Variants in CAPZA1 observed in about 807,000 individuals in gnomAD.
CAPZA1 encodes the protein capping actin protein of muscle Z-line subunit alpha 1, also known as F-actin-capping protein subunit alpha-1.
In CAPZA1, 10 loss-of-function variants were observed where a neutral mutation model predicts 40.8. The observed-to-expected ratio is 0.25, with a 90% confidence interval of 0.15 to 0.42. The LOEUF is 0.42. CAPZA1 is among the 10% of genes least tolerant of loss of function. CAPZA1 has a pLI of 1.00. For synonymous variants in CAPZA1, 98 were observed against 115.0 expected (o/e 0.85, Z 0.95); for missense variants, 277 against 353.8 (o/e 0.78, Z 1.74).
At chr1:112,649,594 T>C in intron 3 of CAPZA1, 125 bp downstream of exon 3, 1 of 766,564 alleles carries the variant, frequency 1.3e-6, no homozygotes, top group Non-Finnish European at 2.2e-6. Context: ...GTTTTAGCAA[T>C]TTTCGTTGTT....
rs1557732753 is a variant in CAPZA1, at chr1:112,647,210, G to A, written c.40G>A (p.Val14Ile). 2 of 1,495,822 alleles carry A rather than the reference G, an allele frequency of 1.3e-6. No individual in the cohort carries two copies. Among genetic ancestry groups the A allele is most frequent in the Non-Finnish European group, 1.8e-6 (2 of 1,107,908 alleles). The allele number at this position is 1,495,822 out of a possible 1,614,324, so 92.7% of individuals were successfully genotyped here. A position where few individuals can be genotyped will look rare whatever the true frequency, so the allele number is the denominator to read the frequency against. ...FDDRVSDEEKVRIAAKFITHA... is the reference protein window; with the variant it reads ...FDDRVSDEEKIRIAAKFITHA... ...AAGTGTAAATTTTGTTTCTCTTTAG[G>A]TACGCATAGCTGCTAAATTCATCAC... is the stretch of plus-strand genomic sequence containing the variant. The change falls in exon 2 of 10, where the codon GTA becomes ATA. Residue 14 changes from valine (V) to isoleucine (I), a missense_variant and splice_region_variant. This residue lies in a region of CAPZA1 where 85 missense variants were observed against 76.5 expected (regional missense o/e 1.11). Transcript: ENST00000263168.
At chr1:112,646,701 A>G (rs1671287114) in intron 1 of CAPZA1, 1 of 151,092 alleles carries the variant, frequency 6.6e-6, no homozygotes. Flanking sequence ...AAAAATTAAT[A>G]GTTTTGGTTT....
At chr1:112,658,966 G>T (rs770121674) in intron 5 of CAPZA1, 56 bp from the exon 6 acceptor site, 15 of 1,257,860 alleles carry the variant, frequency 1.2e-5, no homozygotes, top group Non-Finnish European at 1.6e-5. Context: ...TACAATGCAT[G>T]TTGTTTAAAT....
intron 1 of CAPZA1, among the ~76,000 whole-genome samples, chr1:112,639,842 G>A (rs1671099489): frequency 6.6e-6 from 1 of 150,680 alleles, no homozygotes; most frequent in African/African-American, 2.4e-5. Flanking sequence ...TGCCCGGCCA[G>A]CCGCCCCGTC....
intron 8 of CAPZA1, among the ~76,000 whole-genome samples, chr1:112,668,135 A>G (rs1671762760): frequency 6.6e-6 from 1 of 151,830 alleles, no homozygotes; most frequent in African/African-American, 2.4e-5. Context: ...AAAAATATAA[A>G]AATCAGCTGA....
intron 1 of CAPZA1, chr1:112,634,718 G>C (rs577218337): frequency 6.6e-6 from 1 of 151,756 alleles, no homozygotes; most frequent in African/African-American, 2.4e-5. Flanking sequence ...TTTAATATTG[G>C]GTAGGTTGGT....
chr1:112,635,552 A>C (rs1570705262), intron 1 of CAPZA1, among the ~76,000 whole-genome samples: 1 of 110,180 alleles, frequency 9.1e-6, no homozygotes. Flanking sequence ...TTTGTCAAGG[A>C]CTTTTTTTTT....
At chr1:112,642,860 A>C (rs1671200328) in intron 1 of CAPZA1, among the ~76,000 whole-genome samples, 1 of 152,216 alleles carries the variant, frequency 6.6e-6, no homozygotes, top group Admixed American at 6.5e-5. Flanking sequence ...TAATTTTATT[A>C]TACATTCAAA....
chr1:112,669,493 T>C lies in CAPZA1; in HGVS notation c.658-50T>C, dbSNP rs761750919. ...GGACTTACTTTCAGGATCTTACTGC[T>C]TACACATTAAAAAAAAATCTGATTT... On this transcript the variant is annotated intron_variant, in intron 8 of 9. Coordinates refer to ENST00000263168, the MANE Select transcript of CAPZA1 (RefSeq NM_006135.3). The C allele has an allele frequency of 7.9e-6, 10 of 1,267,908 alleles. No homozygotes were observed. In the Admixed American group the frequency reaches 1.5e-4, roughly 19 times the overall value. The allele number at this position is 1,267,908 out of a possible 1,614,324, so 78.5% of individuals were successfully genotyped here.
chr1:112,633,927 GGTTATTTGT>G (rs1670969546), intron 1 of CAPZA1, among the ~76,000 whole-genome samples: 1 of 151,910 alleles, frequency 6.6e-6, no homozygotes, highest in Admixed American at 6.6e-5. Context: ...TTTAAAATTG[GGTTATTTGT>G]TTTCTTGCTA....
intron 1 of CAPZA1, among the ~76,000 whole-genome samples, chr1:112,633,787 C>G (rs540708276): frequency 4.6e-5 from 7 of 152,270 alleles, no homozygotes; most frequent in African/African-American, 1.7e-4. Flanking sequence ...GCCATTCTGA[C>G]AGGCATGAGG....
intron 1 of CAPZA1, among the ~76,000 whole-genome samples, chr1:112,635,685 G>A (rs1472621840): frequency 6.6e-6 from 1 of 151,862 alleles, no homozygotes; most frequent in Non-Finnish European, 1.5e-5. Context: ...GCATCTGAAA[G>A]TGCTGGGATT....
rs1252160114 is a variant in CAPZA1, at chr1:112,619,840, C to A, written c.-5C>A. On this transcript the variant is annotated 5_prime_UTR_variant, in exon 1 of 10. Transcript: ENST00000263168. Reference sequence around the variant, plus strand: ...CGTAGCCGGGCTGGGCCAGAACAGCCCAAGATGGCCGACTTCGATGATCGT... The same window carrying A: ...CGTAGCCGGGCTGGGCCAGAACAGCACAAGATGGCCGACTTCGATGATCGT... 6.2e-7 allele frequency: 1 copy of A among 1,612,904 alleles called. No individual in the cohort carries two copies. Among genetic ancestry groups the A allele is most frequent in the Non-Finnish European group, 8.5e-7 (1 of 1,179,518 alleles).
At chr1:112,640,093 T>A (rs1258157960) in intron 1 of CAPZA1, among the ~76,000 whole-genome samples, 1 of 109,014 alleles carries the variant, frequency 9.2e-6, no homozygotes, top group Non-Finnish European at 1.9e-5. Flanking sequence ...TACTGGGAAG[T>A]GAGGAGCCCC....
chr1:112,632,401 G>A (rs1437045525), intron 1 of CAPZA1, among the ~76,000 whole-genome samples: 1 of 152,156 alleles, frequency 6.6e-6, no homozygotes, highest in African/African-American at 2.4e-5. Flanking sequence ...AAGCAGAGTT[G>A]GGGAGAAAAT....
At chr1:112,645,014 C>T (rs189766096) in intron 1 of CAPZA1, among the ~76,000 whole-genome samples, 4 of 152,286 alleles carry the variant, frequency 2.6e-5, no homozygotes, top group Non-Finnish European at 4.4e-5. Context: ...AAGCTGAAGA[C>T]AAAAACAGCA....
intron 2 of CAPZA1, 107 bp downstream of exon 2, chr1:112,647,380 C>G: frequency 1.7e-6 from 1 of 573,290 alleles, no homozygotes. Context: ...CTAAGTAAAT[C>G]AAGATTCAAA....
chr1:112,649,672 G>A, intron 3 of CAPZA1: 1 of 557,716 alleles, frequency 1.8e-6, no homozygotes, highest in Non-Finnish European at 3.1e-6. Context: ...TATAATATAT[G>A]AACTAGTTTT....
chr1:112,651,988 GT>G (rs951409806), intron 3 of CAPZA1, among the ~76,000 whole-genome samples: 7 of 151,980 alleles, frequency 4.6e-5, no homozygotes, highest in African/African-American at 1.7e-4. Flanking sequence ...GGGTGTGGTG[GT>G]GCGCATCTGT....
Sources: allele counts gnomAD v4.1 joint callset (sites outside exome capture counted in the v4.1 genomes callset), GRCh38; gene constraint gnomAD v4.1.1; regional missense constraint gnomAD v4.1.1; transcripts MANE v1.5; gene names NCBI Gene and HGNC (gene_info 2026-07-23, HGNC 2026-07-21).